Variants in IFT25 observed in about 807,000 individuals in gnomAD.
The protein encoded by IFT25 is intraflagellar transport protein 25 homolog.
chr1:53,921,451 G>A, the IFT25 span: 1 of 517,332 alleles, frequency 1.9e-6, no homozygotes, highest in South Asian at 2.5e-5. Flanking sequence ...GCTATATACT[G>A]AAGCCAAACC....
the IFT25 span, chr1:53,930,097 G>A: frequency 5.7e-6 from 9 of 1,573,362 alleles, no homozygotes; most frequent in East Asian, 1.4e-4. Context: ...AACAAATAAT[G>A]AATTCCTGGG....
chr1:53,939,902 G>T, the IFT25 span: 1 of 772,150 alleles, frequency 1.3e-6, no homozygotes, highest in Non-Finnish European at 2.2e-6. Flanking sequence ...GTTTAATAGG[G>T]CAAGTTGTTA....
At chr1:53,937,016 A>C in the IFT25 span, among the ~76,000 whole-genome samples, 1 of 152,156 alleles carries the variant, frequency 6.6e-6, no homozygotes, top group African/African-American at 2.4e-5. Flanking sequence ...CAGGGCCATA[A>C]AACAATATTC....
the IFT25 span, among the ~76,000 whole-genome samples, chr1:53,914,023 C>T: frequency 3.9e-5 from 6 of 152,180 alleles, no homozygotes; most frequent in Admixed American, 2.6e-4. Context: ...AAGACAACTT[C>T]CTTCATCATG....
the IFT25 span, among the ~76,000 whole-genome samples, chr1:53,939,510 A>G: frequency 6.6e-6 from 1 of 152,302 alleles, no homozygotes; most frequent in Non-Finnish European, 1.5e-5. Flanking sequence ...CACAATGAAG[A>G]GTAGAAATTG....
At chr1:53,913,530 T>C in the IFT25 span, among the ~76,000 whole-genome samples, 2,558 of 152,272 alleles carry the variant, frequency 0.017, 27 homozygotes, top group South Asian at 0.044. Flanking sequence ...GCAACTTTCA[T>C]TGACATTCGC....
At chr1:53,924,983 A>C in the IFT25 span, among the ~76,000 whole-genome samples, 1 of 152,232 alleles carries the variant, frequency 6.6e-6, no homozygotes, top group Non-Finnish European at 1.5e-5. Flanking sequence ...AAATAATGAA[A>C]ATCAGTAATC....
chr1:53,946,265 G>C, the IFT25 span: 1 of 151,366 alleles, frequency 6.6e-6, no homozygotes, highest in African/African-American at 2.4e-5. Flanking sequence ...CTCGGCCCTC[G>C]GGTCGCCTGC....
At chr1:53,945,054 G>A in the IFT25 span, among the ~76,000 whole-genome samples, 226 of 152,212 alleles carry the variant, frequency 1.5e-3, no homozygotes, top group African/African-American at 5.2e-3. Flanking sequence ...CTGTCTCCGA[G>A]GGGCCAGGGC....
chr1:53,918,383 T>C, the IFT25 span, among the ~76,000 whole-genome samples: 1 of 152,218 alleles, frequency 6.6e-6, no homozygotes, highest in Non-Finnish European at 1.5e-5. Context: ...CCCAGACTGA[T>C]AAAAGTAGTT....
chr1:53,923,271 C>T, the IFT25 span, among the ~76,000 whole-genome samples: 1 of 150,854 alleles, frequency 6.6e-6, no homozygotes, highest in East Asian at 1.9e-4. Flanking sequence ...TTTAGGGAAA[C>T]CTTAATTAAA....
chr1:53,933,110 A>G, the IFT25 span, among the ~76,000 whole-genome samples: 2 of 150,646 alleles, frequency 1.3e-5, no homozygotes, highest in African/African-American at 4.9e-5. Flanking sequence ...ATATACACTT[A>G]GGATTATCCT....
chr1:53,937,078 T>C, the IFT25 span, among the ~76,000 whole-genome samples: 1 of 152,230 alleles, frequency 6.6e-6, no homozygotes, highest in Non-Finnish European at 1.5e-5. Flanking sequence ...AATACTCCTA[T>C]GGTTACTCTA....
At chr1:53,923,811 G>A in the IFT25 span, 1 of 805,348 alleles carries the variant, frequency 1.2e-6, no homozygotes, top group Non-Finnish European at 2.2e-6. Flanking sequence ...ATAATATCAT[G>A]AGGAAATTTA....
chr1:53,943,985 G>A, the IFT25 span, among the ~76,000 whole-genome samples: 1 of 152,204 alleles, frequency 6.6e-6, no homozygotes, highest in Non-Finnish European at 1.5e-5. Context: ...GAATAGGAAA[G>A]AATGTACTCT....
chr1:53,938,469 A>G, the IFT25 span, among the ~76,000 whole-genome samples: 1 of 152,210 alleles, frequency 6.6e-6, no homozygotes, highest in African/African-American at 2.4e-5. Context: ...GAGAAAAGTC[A>G]GTTGCCATAA....
the IFT25 span, among the ~76,000 whole-genome samples, chr1:53,925,803 T>C: frequency 1.3e-5 from 2 of 151,988 alleles, no homozygotes; most frequent in Non-Finnish European, 2.9e-5. Context: ...ATTTTTTTTT[T>C]CACTAAAGTA....
chr1:53,944,402 T>A, the IFT25 span, among the ~76,000 whole-genome samples: 2 of 152,116 alleles, frequency 1.3e-5, no homozygotes, highest in African/African-American at 4.8e-5. Context: ...CCCAGCACTT[T>A]GGGAGGCCCA....
the IFT25 span, among the ~76,000 whole-genome samples, chr1:53,916,295 A>G: frequency 6.6e-6 from 1 of 152,226 alleles, no homozygotes; most frequent in Non-Finnish European, 1.5e-5. Flanking sequence ...GTTTAAGGTG[A>G]TAATGAGAAT....
Sources: gnomAD v4.1 joint callset for allele counts (sites outside exome capture counted in the v4.1 genomes callset) on GRCh38, gnomAD v4.1.1 for gene constraint, MANE v1.5 for transcripts, NCBI Gene and HGNC (gene_info 2026-07-23, HGNC 2026-07-21) for gene names.